OR10G7: variants seen among roughly 807,000 people sequenced by gnomAD.
OR10G7 encodes olfactory receptor 10G7.
For missense variants in OR10G7, 338 were observed against 382.1 expected, an observed-to-expected ratio of 0.88 and a Z score of 0.96; for synonymous variants, 165 against 167.4, an observed-to-expected ratio of 0.99 and a Z score of 0.11.
chr11:124,038,558 CCAAGTGCCGGTGGCCAGGAGGG>C lies in OR10G7; in HGVS notation c.422_443del (p.Ala141GlyfsTer14). The C allele has an allele frequency of 6.2e-7, 1 of 1,613,794 alleles. No homozygotes were observed. The highest frequency in any genetic ancestry group is 8.5e-7 in the Non-Finnish European group (1 of 1,179,872). On this transcript the variant is annotated frameshift_variant, in exon 2 of 2. Transcript: ENST00000641585. LOFTEE classifies it low-confidence loss of function (END_TRUNC). The stretch of plus-strand genomic sequence containing the variant: ...CAGCAGAGTGCAGAGAGCCACTGAG[CCAAGTGCCGGTGGCCAGGAGGG>C]CACACGAGCGCCCAGTCATCATGTT...
In OR10G7 at chr11:124,038,195, C is replaced by A; in HGVS notation, c.807G>T (p.Gly269=). The A allele has an allele frequency of 2.5e-6, 4 of 1,614,052 alleles. No individual in the cohort carries two copies. Among genetic ancestry groups the A allele is most frequent in the Non-Finnish European group, 3.4e-6 (4 of 1,180,036 alleles). Residue 269 remains glycine, a synonymous_variant, in exon 2 of 2, where the codon GGG becomes GGT. Transcript: ENST00000641585. ...GCGTGGTGTAGAAAACGGCCACAACCCCATGCAAGGCGTCCCTGGAGCCTG... is the reference window on the plus strand; with the variant it reads ...GCGTGGTGTAGAAAACGGCCACAACACCATGCAAGGCGTCCCTGGAGCCTG... ...LRPGSRDALH[G]VVAVFYTTLT...
intron 1 of OR10G7, among the ~76,000 whole-genome samples, chr11:124,040,318 TA>T (rs1168393995): frequency 2.0e-5 from 3 of 151,902 alleles, no homozygotes; most frequent in South Asian, 2.1e-4. Context: ...CTTCTAAAAA[TA>T]AAAAAAGTCT....
At chr11:124,040,426 T>C (rs1006542003) in intron 1 of OR10G7, among the ~76,000 whole-genome samples, 2 of 152,078 alleles carry the variant, frequency 1.3e-5, no homozygotes, top group African/African-American at 4.8e-5. Flanking sequence ...CCAGACATTA[T>C]ATTTTCAAGA....
chr11:124,040,378 A>G (rs1222750998), intron 1 of OR10G7, among the ~76,000 whole-genome samples: 1 of 152,060 alleles, frequency 6.6e-6, no homozygotes, highest in Admixed American at 6.5e-5. Context: ...GCTCAGACTC[A>G]AAGTTTTTCT....
chr11:124,038,531 G>A lies in OR10G7; in HGVS notation c.471C>T (p.Val157=), dbSNP rs775324745. ...GCAAATGGAAAGTCAATATGGTCTGGACAGCAGAGTGCAGAGAGCCACTGA... is the reference window on the plus strand; with the variant it reads ...GCAAATGGAAAGTCAATATGGTCTGAACAGCAGAGTGCAGAGAGCCACTGA... ...TWLSGSLHSA[V]QTILTFHLPY... is the part of the protein sequence containing the mutation. Residue 157 remains valine (V), a synonymous_variant, in exon 2 of 2, where the codon GTC becomes GTT. Transcript: ENST00000641585. 6.2e-7 allele frequency: 1 copy of A among 1,613,830 alleles called. No individual in the cohort carries two copies. The highest frequency in any genetic ancestry group is 8.5e-7 in the Non-Finnish European group (1 of 1,179,868).
chr11:124,037,886 C>A lies in OR10G7; in HGVS notation c.*180G>T. ...CTCTTAGATTATCACCGTGAAATGG[C>A]TGCTTTAACTAGGATTCTAACAAAC... On this transcript the variant is annotated 3_prime_UTR_variant, in exon 2 of 2. Coordinates refer to ENST00000641585, the MANE Select transcript of OR10G7 (RefSeq NM_001004463.2). 1 of 461,518 alleles carries A rather than the reference C, an allele frequency of 2.2e-6. No homozygotes were observed. The highest frequency in any genetic ancestry group is 3.8e-6 in the Non-Finnish European group (1 of 265,658). 28.6% of individuals were successfully genotyped at this position (461,518 alleles called of 1,614,324 possible). A position where few individuals can be genotyped will look rare whatever the true frequency, so the allele number is the denominator to read the frequency against.
In OR10G7 at chr11:124,037,797, T is replaced by C. The variant is rs141757778; in HGVS notation, c.*269A>G. On this transcript the variant is annotated 3_prime_UTR_variant, in exon 2 of 2. Transcript: ENST00000641585. ...ATAACAATTCTGGAAAATATTTATA[T>C]AAGAAAATAAATTACTTTTCTGATT... 8.2e-3 allele frequency: 1,680 copies of C among 205,292 alleles called. 12 individuals carry two copies. Among genetic ancestry groups the C allele is most frequent in the South Asian group, 0.021 (132 of 6,376 alleles). 12.7% of individuals were successfully genotyped at this position (205,292 alleles called of 1,614,324 possible). A position where few individuals can be genotyped will look rare whatever the true frequency, so the allele number is the denominator to read the frequency against.
In OR10G7 at chr11:124,038,429, G is replaced by A; in HGVS notation, c.573C>T (p.Thr191=). The A allele has an allele frequency of 6.2e-7, 1 of 1,613,960 alleles. No homozygotes were observed. The highest frequency in any genetic ancestry group is 8.5e-7 in the Non-Finnish European group (1 of 1,179,898). Residue 191 remains threonine (T), a synonymous_variant, in exon 2 of 2, where the codon ACC becomes ACT. Transcript: ENST00000641585. Reference sequence around the variant, plus strand: ...CAAAGATGACCATCTCGTTGGCTGAGGTGTCTGCACAGGCCAGTTTCAGGA... The same window carrying A: ...CAAAGATGACCATCTCGTTGGCTGAAGTGTCTGCACAGGCCAGTTTCAGGA... ...PPILKLACAD[T]SANEMVIFVN...
Position 124,038,170 on chromosome 11 carries a change from G to A in OR10G7, c.832C>T (p.Leu278=). 1.9e-6 allele frequency: 3 copies of A among 1,614,114 alleles called. No homozygotes were observed. Among genetic ancestry groups the A allele is most frequent in the Non-Finnish European group, 2.5e-6 (3 of 1,180,048 alleles). ...HGVVAVFYTT[L]TPLFNPVVYT... ...ACAACAGGGTTGAAAAGAGGAGTCA[G>A]CGTGGTGTAGAAAACGGCCACAACC... Residue 278 remains leucine, a synonymous_variant, in exon 2 of 2, where the codon CTG becomes TTG. Coordinates refer to ENST00000641585, the MANE Select transcript of OR10G7 (RefSeq NM_001004463.2).
At chr11:124,039,130 A>G in intron 1 of OR10G7, 109 bp from the exon 2 acceptor site, 1 of 1,135,742 alleles carries the variant, frequency 8.8e-7, no homozygotes, top group Non-Finnish European at 1.2e-6. Flanking sequence ...ATTATTTTTT[A>G]TATTTTATAA....
In OR10G7 at chr11:124,038,533, C is replaced by T. The variant is rs920977481; in HGVS notation, c.469G>A (p.Val157Ile). 1.2e-6 allele frequency: 2 copies of T among 1,613,688 alleles called. No individual in the cohort carries two copies. The highest frequency in any genetic ancestry group is 1.3e-5 in the African/African-American group (1 of 74,780). Reference protein sequence around the residue: ...TWLSGSLHSAVQTILTFHLPY... With the variant: ...TWLSGSLHSAIQTILTFHLPY... ...AAATGGAAAGTCAATATGGTCTGGA[C>T]AGCAGAGTGCAGAGAGCCACTGAGC... Residue 157 changes from valine to isoleucine, a missense_variant, in exon 2 of 2, where the codon GTC becomes ATC. Coordinates refer to ENST00000641585, the MANE Select transcript of OR10G7 (RefSeq NM_001004463.2).
Position 124,041,219 on chromosome 11 carries a change from ACT to A in OR10G7, c.-356_-355del, listed in dbSNP as rs1309940342. 6.6e-6 allele frequency: 1 copy of A among 151,922 alleles called. No individual in the cohort carries two copies. The highest frequency in any genetic ancestry group is 1.5e-5 in the Non-Finnish European group (1 of 67,974). The allele number at this position is 151,922 out of a possible 1,614,324, so 9.4% of individuals were successfully genotyped here. On this transcript the variant is annotated 5_prime_UTR_variant, in exon 1 of 2. Transcript: ENST00000641585. ...AACTTCCAAAATGAATAACTATGACACTCTGGATCTGAAAACTCCTTGTGCAG... is the reference window on the plus strand; with the variant it reads ...AACTTCCAAAATGAATAACTATGACACTGGATCTGAAAACTCCTTGTGCAG...
At position 124,038,689 on chromosome 11, in the gene OR10G7, A is replaced by G. The variant is rs1337683198; in HGVS notation, c.313T>C (p.Phe105Leu). 1 of 1,614,050 alleles carries G rather than the reference A, an allele frequency of 6.2e-7. No individual in the cohort carries two copies. The highest frequency in any genetic ancestry group is 1.3e-5 in the African/African-American group (1 of 74,920). ...AGGAAACACTCGGTGCTCCCCAGGAAGTGGAAAAAATAGAGCTGAGCCACG... is the reference window on the plus strand; with the variant it reads ...AGGAAACACTCGGTGCTCCCCAGGAGGTGGAAAAAATAGAGCTGAGCCACG... Reference protein sequence around the residue: ...SCVAQLYFFHFLGSTECFLYT... With the variant: ...SCVAQLYFFHLLGSTECFLYT... Residue 105 changes from phenylalanine (F) to leucine (L), a missense_variant, in exon 2 of 2, where the codon TTC (phenylalanine) becomes CTC (leucine). Physicochemically the swap from Phe to Leu is conservative, Grantham distance 22. Coordinates refer to ENST00000641585, the MANE Select transcript of OR10G7 (RefSeq NM_001004463.2).
In OR10G7 at chr11:124,037,924, A is replaced by G. The variant is rs777707332; in HGVS notation, c.*142T>C. 5 of 593,426 alleles carry G rather than the reference A, an allele frequency of 8.4e-6. No individual in the cohort carries two copies. Among genetic ancestry groups the G allele is most frequent in the Non-Finnish European group, 1.4e-5 (5 of 363,870 alleles). 36.8% of individuals were successfully genotyped at this position (593,426 alleles called of 1,614,324 possible). On this transcript the variant is annotated 3_prime_UTR_variant, in exon 2 of 2. Transcript: ENST00000641585. ...GATTCTAACAAACACTCTGCAGAAA[A>G]AAATGAAAAATTAATTAACTGTCCA...
In OR10G7 at chr11:124,039,980, G is replaced by T. The variant is rs115451935; in HGVS notation, c.-21+906C>A. 4.7e-3 allele frequency among the ~76,000 whole-genome samples: 715 copies of T among 152,164 alleles called. 14 individuals are homozygous for T. Among genetic ancestry groups the T allele is most frequent in the African/African-American group, 0.017 (692 of 41,464 alleles). On this transcript the variant is annotated intron_variant, in intron 1 of 1. Coordinates refer to ENST00000641585, the MANE Select transcript of OR10G7 (RefSeq NM_001004463.2). ...GGTCCCTCGTGCCACAAACACTGGG[G>T]ACCCCTGCCCTAGATCATACCTTCC...
rs146405371 is a variant in OR10G7 at position 124,038,589 on chromosome 11, C to T, written c.413G>A (p.Arg138His). The T allele has an allele frequency of 3.6e-4, 573 of 1,613,868 alleles. 5 individuals carry two copies. In the African/African-American group the frequency reaches 5.4e-3, roughly 15 times the overall value. The change falls in exon 2 of 2, where the codon CGC (arginine) becomes CAC (histidine). Residue 138 changes from arginine (R) to histidine (H), a missense_variant. By Grantham distance (29) the Arg-to-His change is conservative. Coordinates refer to ENST00000641585, the MANE Select transcript of OR10G7 (RefSeq NM_001004463.2). ...GCCGGTGGCCAGGAGGGCACACGAG[C>T]GCCCAGTCATCATGTTGGTGTACCT... ...PLRYTNMMTG[R>H]SCALLATGTW...
Position 124,037,567 on chromosome 11 carries a change from G to A in OR10G7, c.*499C>T, listed in dbSNP as rs1864201779. On this transcript the variant is annotated 3_prime_UTR_variant, in exon 2 of 2. Coordinates refer to ENST00000641585, the MANE Select transcript of OR10G7 (RefSeq NM_001004463.2). ...ATATGGTTTTTATTGGCCCATGAAT[G>A]TGAATAAAGCCATTCTTCTTGAGAA... The A allele has an allele frequency of 6.6e-6, 1 of 152,042 alleles. No homozygotes were observed. Among genetic ancestry groups the A allele is most frequent in the Non-Finnish European group, 1.5e-5 (1 of 68,010 alleles). The allele number at this position is 152,042 out of a possible 1,614,324, so 9.4% of individuals were successfully genotyped here.
At position 124,038,976 on chromosome 11, in the gene OR10G7, G is replaced by T. The variant is rs753420031; in HGVS notation, c.26C>A (p.Ala9Glu). ...ATGGGGAAGGCCCGTGAGGATGAAC[G>T]CTGTCAGTAGGGTGGCGTTGGACAT... The part of the protein sequence containing the change: MSNATLLT[A>E]FILTGLPHAP... The change falls in exon 2 of 2, where the codon GCG becomes GAG. Residue 9 changes from alanine (A) to glutamate (E), a missense_variant. Coordinates refer to ENST00000641585, the MANE Select transcript of OR10G7 (RefSeq NM_001004463.2). 8 of 1,613,346 alleles carry T rather than the reference G, an allele frequency of 5.0e-6. No homozygotes were observed. The highest frequency in any genetic ancestry group is 2.2e-5 in the East Asian group (1 of 44,880).
chr11:124,039,411 G>T (rs143110901), intron 1 of OR10G7, among the ~76,000 whole-genome samples: 1 of 151,846 alleles, frequency 6.6e-6, no homozygotes, highest in Non-Finnish European at 1.5e-5. Context: ...ATATAGATAC[G>T]CATGCACACA....
Sources: gnomAD v4.1 joint callset for allele counts (sites outside exome capture counted in the v4.1 genomes callset) on GRCh38, gnomAD v4.1.1 for gene constraint, MANE v1.5 for transcripts, NCBI Gene and HGNC (gene_info 2026-07-23, HGNC 2026-07-21) for gene names.